IFT74: variants seen among roughly 807,000 people sequenced by gnomAD.
The protein encoded by IFT74 is intraflagellar transport 74, also known as intraflagellar transport protein 74 homolog.
In IFT74, 92 loss-of-function variants were observed where a neutral mutation model predicts 96.7. That is an observed-to-expected ratio of 0.95 (90% CI 0.80 to 1.13). IFT74 has a LOEUF of 1.13. Among genes scored for constraint, IFT74 ranks in the 50% most tolerant of loss-of-function variants. The pLI is 0.00. For missense variants in IFT74, 811 were observed against 698.2 expected (o/e 1.16, Z -1.82); for synonymous variants, 223 against 213.2 (o/e 1.05, Z -0.40).
chr9:26,998,661 TAAC>T (rs1474658270), intron 8 of IFT74, among the ~76,000 whole-genome samples: 2 of 152,166 alleles, frequency 1.3e-5, no homozygotes, highest in African/African-American at 4.8e-5. Flanking sequence ...TCAGCAGAGC[TAAC>T]AACATTATAC....
intron 16 of IFT74, among the ~76,000 whole-genome samples, chr9:27,048,978 C>T (rs1366524660): frequency 1.3e-5 from 2 of 152,100 alleles, no homozygotes; most frequent in Non-Finnish European, 2.9e-5. Context: ...GGGCGGATCT[C>T]TCGTGAATGG....
chr9:26,977,722 C>T (rs2131524262), intron 2 of IFT74, among the ~76,000 whole-genome samples: 1 of 152,286 alleles, frequency 6.6e-6, no homozygotes, highest in East Asian at 1.9e-4. Context: ...CTCCTGACCT[C>T]ACATGATCCA....
chr9:26,990,958 C>T (rs1827838808), intron 8 of IFT74, among the ~76,000 whole-genome samples: 1 of 152,156 alleles, frequency 6.6e-6, no homozygotes, highest in African/African-American at 2.4e-5. Context: ...TATTCTAAGG[C>T]AACACAAACA....
chr9:27,058,225 C>A (rs1820259960), intron 18 of IFT74, among the ~76,000 whole-genome samples: 1 of 151,564 alleles, frequency 6.6e-6, no homozygotes, highest in Admixed American at 6.6e-5. Context: ...GTAGCTAGGA[C>A]TACAGGCACA....
rs1464881486 is a variant in IFT74 at position 27,017,152 on chromosome 9, G to A, written c.933+102G>A. ...TTAATGCAAGTAGTAAAGCTAGTAA[G>A]TGTATTGTCTAAAAATAGTTTATGT... On this transcript the variant is annotated intron_variant, in intron 11 of 19. Coordinates refer to ENST00000380062, the MANE Select transcript of IFT74 (RefSeq NM_025103.4). The A allele has an allele frequency of 3.6e-6, 3 of 830,582 alleles. No individual in the cohort carries two copies. The African/African-American group carries it at 5.2e-5, about 14-fold the overall frequency. The allele number at this position is 830,582 out of a possible 1,614,324, so 51.5% of individuals were successfully genotyped here.
At chr9:27,041,554 C>T (rs1197385184) in intron 13 of IFT74, among the ~76,000 whole-genome samples, 1 of 152,134 alleles carries the variant, frequency 6.6e-6, no homozygotes, top group African/African-American at 2.4e-5. Context: ...CTTCCTTTTA[C>T]CGTTGTGTCC....
rs1325180693 is a variant in IFT74 at position 27,065,514 on chromosome 9, T to TCCTTATCTTTTA, written c.*2779_*2790dup. ...AGTTAGCAAGTCTTTGTTTTTCCCA[T>TCCTTATCTTTTA]CCTTATCTTTTATCAGTAAATAAAC... On this transcript the variant is annotated 3_prime_UTR_variant, in exon 20 of 20. Transcript: ENST00000380062. 6.6e-6 allele frequency among the ~76,000 whole-genome samples: 1 copy of TCCTTATCTTTTA among 152,228 alleles called. No individual in the cohort carries two copies. The highest frequency in any genetic ancestry group is 1.5e-5 in the Non-Finnish European group (1 of 68,030).
intron 12 of IFT74, among the ~76,000 whole-genome samples, chr9:27,023,421 T>C (rs1829709114): frequency 6.6e-6 from 1 of 152,244 alleles, no homozygotes; most frequent in Non-Finnish European, 1.5e-5. Flanking sequence ...GATGATCATA[T>C]GAGTTTTGTT....
rs551547936 is a variant in IFT74, at chr9:26,967,018, G to T, written c.120+4931G>T. 4.0e-5 allele frequency among the ~76,000 whole-genome samples: 6 copies of T among 151,200 alleles called. No homozygotes were observed. The South Asian group carries it at 1.3e-3, about 32-fold the overall frequency. ...TCTGGGTTCTCTATTCTGTTTTTAT[G>T]CCAGTATGCTTTTCTTTTTCTTTTC... On this transcript the variant is annotated intron_variant, in intron 2 of 19. Coordinates refer to ENST00000380062, the MANE Select transcript of IFT74 (RefSeq NM_025103.4).
chr9:26,949,276 A>T (rs949082695), intron 1 of IFT74, among the ~76,000 whole-genome samples: 1 of 152,232 alleles, frequency 6.6e-6, no homozygotes, highest in Admixed American at 6.5e-5. Flanking sequence ...GGTAGATAGT[A>T]TTATTCCCAT....
intron 13 of IFT74, chr9:27,036,625 A>G (rs1393893886): frequency 2.7e-5 from 40 of 1,481,964 alleles, no homozygotes; most frequent in Non-Finnish European, 3.5e-5. Flanking sequence ...CCACTGTTTG[A>G]GCAGTGTTCA....
chr9:26,980,269 G>A (rs1199501889), intron 3 of IFT74, among the ~76,000 whole-genome samples: 8 of 152,110 alleles, frequency 5.3e-5, no homozygotes, highest in Non-Finnish European at 8.8e-5. Flanking sequence ...AGTTACTCTG[G>A]ACAGCTCTGT....
At chr9:26,956,860 C>T (rs544015215) in intron 1 of IFT74, among the ~76,000 whole-genome samples, 3 of 152,358 alleles carry the variant, frequency 2.0e-5, no homozygotes, top group Admixed American at 1.3e-4. Flanking sequence ...ACAGTGCGGG[C>T]AGTTAGCAAC....
At position 27,053,539 on chromosome 9, in the gene IFT74, G is replaced by A. The variant is rs544500411; in HGVS notation, c.1334-2070G>A. ...TCAAAGTGGTTCCTTCTGAGATTTT[G>A]CTCCTATGTACACACTGCTTGGTAA... On this transcript the variant is annotated intron_variant, in intron 16 of 19. Transcript: ENST00000380062. 2.3e-3 allele frequency among the ~76,000 whole-genome samples: 355 copies of A among 152,252 alleles called. 2 individuals are homozygous for A. The highest frequency in any genetic ancestry group is 4.2e-3 in the Non-Finnish European group (289 of 68,012).
At chr9:26,949,881 T>C (rs1406492596) in intron 1 of IFT74, among the ~76,000 whole-genome samples, 5 of 152,226 alleles carry the variant, frequency 3.3e-5, no homozygotes, top group African/African-American at 1.2e-4. Context: ...TCTGCCAAAA[T>C]GCTAAATTTG....
chr9:27,045,367 T>C (rs763591339), intron 14 of IFT74, among the ~76,000 whole-genome samples: 99 of 152,294 alleles, frequency 6.5e-4, no homozygotes, highest in Non-Finnish European at 1.1e-3. Context: ...GGTGCCAAAA[T>C]GGTTGGGGAC....
At position 26,958,005 on chromosome 9, in the gene IFT74, G is replaced by A. The variant is rs558043761; in HGVS notation, c.-20+1489G>A. Among the ~76,000 whole-genome samples, 10 of 152,062 alleles carry A rather than the reference G, an allele frequency of 6.6e-5. No individual in the cohort carries two copies. In the South Asian group the frequency reaches 1.7e-3, roughly 25 times the overall value. ...CCTGATCTCGTGATCCACCCGCCTC[G>A]GCCTCCCAAAGTTCTGGGATTACAG... On this transcript the variant is annotated intron_variant, in intron 1 of 19. Transcript: ENST00000380062.
chr9:27,005,130 A>AT lies in IFT74; in HGVS notation c.588-3883dup, dbSNP rs532680245. Among the ~76,000 whole-genome samples the AT allele has an allele frequency of 5.7e-3, 863 of 152,130 alleles. 10 individuals are homozygous for AT. Among genetic ancestry groups the AT allele is most frequent in the African/African-American group, 0.019 (809 of 41,516 alleles). ...GTTTCCTTATTTAACTATTGTGTAG[A>AT]TTTTTTTCAGATTTAAAACCTTTTT... On this transcript the variant is annotated intron_variant, in intron 8 of 19. Coordinates refer to ENST00000380062, the MANE Select transcript of IFT74 (RefSeq NM_025103.4).
rs923971136 is a variant in IFT74, at chr9:26,965,524, G to A, written c.120+3437G>A. On this transcript the variant is annotated intron_variant, in intron 2 of 19. Coordinates refer to ENST00000380062, the MANE Select transcript of IFT74 (RefSeq NM_025103.4). ...GAAGTCTTCATACATAGGATAGTAA[G>A]GGTATCTTTTTCTTTTATTCCAGTA... 7.9e-5 allele frequency among the ~76,000 whole-genome samples: 12 copies of A among 152,106 alleles called. No individual in the cohort carries two copies. In the East Asian group the frequency reaches 2.3e-3, roughly 29 times the overall value.
Sources: allele counts gnomAD v4.1 joint callset (sites outside exome capture counted in the v4.1 genomes callset), GRCh38; gene constraint gnomAD v4.1.1; transcripts MANE v1.5; gene names NCBI Gene and HGNC (gene_info 2026-07-23, HGNC 2026-07-21).